OSBPL9: variants seen among roughly 807,000 people sequenced by gnomAD.
OSBPL9 encodes oxysterol binding protein like 9, also known as oxysterol-binding protein-related protein 9.
A neutral mutation model predicts 106.6 loss-of-function variants in OSBPL9; 40 were observed. The ratio of observed to expected loss-of-function variants is 0.38; its 90% confidence interval spans 0.29 to 0.49. OSBPL9 has a LOEUF of 0.49. Ranked by LOEUF, OSBPL9 falls within the 20% of genes least tolerant of loss-of-function variation. OSBPL9 has a pLI of 0.97. For missense variants in OSBPL9, 609 were observed against 887.2 expected (o/e 0.69, Z 3.98); for synonymous variants, 269 against 295.4 (o/e 0.91, Z 0.92).
At chr1:51,554,353 C>T in the OSBPL9 span, among the ~76,000 whole-genome samples, 12 of 152,056 alleles carry the variant, frequency 7.9e-5, no homozygotes, top group East Asian at 1.3e-3. Flanking sequence ...AGACTCTAGA[C>T]GGTTAAAAAT....
chr1:51,643,561 G>T (rs944276362), intron 1 of OSBPL9, among the ~76,000 whole-genome samples: 4 of 152,144 alleles, frequency 2.6e-5, no homozygotes, highest in Non-Finnish European at 4.4e-5. Context: ...GGTATTTTGA[G>T]GTAGGCTGGA....
At chr1:51,619,880 G>A (rs1439306549) in intron 1 of OSBPL9, among the ~76,000 whole-genome samples, 1 of 152,158 alleles carries the variant, frequency 6.6e-6, no homozygotes, top group African/African-American at 2.4e-5. Context: ...TGAATTAGTT[G>A]TGTAGCCTTC....
chr1:51,546,958 C>T, the OSBPL9 span, among the ~76,000 whole-genome samples: 3 of 152,238 alleles, frequency 2.0e-5, no homozygotes, highest in South Asian at 2.1e-4. Context: ...AAATCAGCAA[C>T]GTACTATCCT....
chr1:51,705,395 ATATATTTTTTTTTTT>A (rs1351678274), intron 3 of OSBPL9, among the ~76,000 whole-genome samples: 4 of 53,666 alleles, frequency 7.5e-5, no homozygotes, highest in African/African-American at 3.4e-4. Context: ...ATATATATAT[ATATATTTTTTTTTTT>A]TTTTTTTTTT....
rs115303431 is a variant in OSBPL9 at position 51,784,951 on chromosome 1, G to A, written c.1829+369G>A. On this transcript the variant is annotated intron_variant, in intron 20 of 23. Transcript: ENST00000428468. ...GTGACCCCTGCAGCACTGCCTCCTG[G>A]TCCTCACAGCTATCCCTTTTTCTGT... 7.3e-3 allele frequency: 1,641 copies of A among 225,228 alleles called. 10 individuals are homozygous for A. The highest frequency in any genetic ancestry group is 0.011 in the Non-Finnish European group (1,295 of 114,628). The allele number at this position is 225,228 out of a possible 1,614,324, so 14.0% of individuals were successfully genotyped here.
At chr1:51,614,091 T>C (rs1570544571), upstream of OSBPL9, among the ~76,000 whole-genome samples, 1 of 152,100 alleles carries the variant, frequency 6.6e-6, no homozygotes, top group Non-Finnish European at 1.5e-5. Flanking sequence ...CCTGGCTTTC[T>C]TGAAGATGCC....
intron 1 of OSBPL9, among the ~76,000 whole-genome samples, chr1:51,632,146 A>G (rs1645146017): frequency 6.6e-6 from 1 of 152,206 alleles, no homozygotes; most frequent in Non-Finnish European, 1.5e-5. Flanking sequence ...ATACTCTAAA[A>G]TAACAATAAA....
At chr1:51,711,355 C>A (rs1022736775) in intron 3 of OSBPL9, among the ~76,000 whole-genome samples, 1 of 148,254 alleles carries the variant, frequency 6.7e-6, no homozygotes, top group Admixed American at 6.7e-5. Context: ...CCACCTCCCT[C>A]CCGGACTAGG....
At chr1:51,754,120 A>C (rs1347652412) in intron 8 of OSBPL9, among the ~76,000 whole-genome samples, 1 of 152,206 alleles carries the variant, frequency 6.6e-6, no homozygotes, top group African/African-American at 2.4e-5. Flanking sequence ...GACAGAGTGA[A>C]GATAAGCTAG....
chr1:51,786,677 G>GGC, intron 22 of OSBPL9, 60 bp downstream of exon 22: 3 of 1,406,418 alleles, frequency 2.1e-6, no homozygotes, highest in South Asian at 2.4e-5. Context: ...CCTAGGCGTA[G>GGC]GCACAGGGCT....
the OSBPL9 span, among the ~76,000 whole-genome samples, chr1:51,553,356 TA>T: frequency 2.6e-5 from 4 of 151,296 alleles, no homozygotes; most frequent in African/African-American, 7.3e-5. Flanking sequence ...ACAAAAACGT[TA>T]AAAAAAATTA....
At chr1:51,669,553 C>A (rs1293160865) in intron 3 of OSBPL9, 41 bp downstream of exon 3, 2 of 1,585,236 alleles carry the variant, frequency 1.3e-6, no homozygotes, top group South Asian at 2.2e-5. Context: ...ATAGTCCCAT[C>A]TGCTTCTTTT....
rs182648027 is a variant in OSBPL9, at chr1:51,782,532, A to G, written c.1429-27A>G. The G allele has an allele frequency of 7.5e-6, 12 of 1,606,844 alleles. No homozygotes were observed. The African/African-American group carries it at 1.3e-4, about 18-fold the overall frequency. On this transcript the variant is annotated intron_variant, in intron 16 of 23. Transcript: ENST00000428468. ...ATGTCATTTGTGTTTTCTCATCAAA[A>G]GAAAATTATGTTATATTTGCTTGCA...
At chr1:51,603,492 T>C (rs1391653762) in intron 2 of OSBPL9, among the ~76,000 whole-genome samples, 3 of 152,152 alleles carry the variant, frequency 2.0e-5, no homozygotes, top group African/African-American at 7.2e-5. Context: ...AAAAACCCAG[T>C]GAGGTTCATG....
chr1:51,746,872 A>G (rs1450508386), intron 6 of OSBPL9, 115 bp downstream of exon 6: 2 of 778,876 alleles, frequency 2.6e-6, no homozygotes, highest in South Asian at 2.0e-5. Flanking sequence ...ACCTAGTGTA[A>G]TATTACTGCC....
At chr1:51,681,288 T>C (rs965849073) in intron 3 of OSBPL9, among the ~76,000 whole-genome samples, 37 of 152,170 alleles carry the variant, frequency 2.4e-4, no homozygotes, top group African/African-American at 8.2e-4. Flanking sequence ...TTGCATGGTA[T>C]AGGAGGGTAT....
chr1:51,726,020 G>A (rs1415923922), intron 4 of OSBPL9, among the ~76,000 whole-genome samples: 1 of 152,082 alleles, frequency 6.6e-6, no homozygotes, highest in Non-Finnish European at 1.5e-5. Flanking sequence ...ATAAACAGTT[G>A]ATTAATACAT....
At chr1:51,719,992 T>C (rs1274860014) in intron 4 of OSBPL9, among the ~76,000 whole-genome samples, 1 of 152,246 alleles carries the variant, frequency 6.6e-6, no homozygotes, top group East Asian at 1.9e-4. Flanking sequence ...TTCTCTGTTC[T>C]AACTACTGGG....
Position 51,745,559 on chromosome 1 carries a change from T to C in OSBPL9, c.342T>C (p.Pro114=), listed in dbSNP as rs1466964204. The C allele has an allele frequency of 6.2e-7, 1 of 1,610,760 alleles. No homozygotes were observed. The change falls in exon 5 of 24, where the codon CCT becomes CCC. Residue 114 remains proline (P), a synonymous_variant. Transcript: ENST00000428468. ...AGGGTTTGGATTCAGGATTTGTTCC[T>C]AGTGTCCAAGATTTTGATAAGAAAC... ...QLQGLDSGFV[P]SVQDFDKKLT...
Sources: allele counts gnomAD v4.1 joint callset (sites outside exome capture counted in the v4.1 genomes callset), GRCh38; gene constraint gnomAD v4.1.1; transcripts MANE v1.5; gene names NCBI Gene and HGNC (gene_info 2026-07-23, HGNC 2026-07-21).